GNAI2: variants seen among roughly 807,000 people sequenced by gnomAD.
GNAI2 encodes the protein guanine nucleotide-binding protein G(i) subunit alpha-2.
In GNAI2, 4 loss-of-function variants were observed where a neutral mutation model predicts 36.8. The ratio of observed to expected loss-of-function variants is 0.11; its 90% CI spans 0.05 to 0.25. GNAI2 has a LOEUF of 0.25. Among genes scored for constraint, GNAI2 ranks in the 10% least tolerant of loss-of-function variants. The pLI, the probability that GNAI2 is intolerant of heterozygous loss-of-function variation, is 1.00. For synonymous variants in GNAI2, 194 were observed against 194.1 expected, an observed-to-expected ratio of 1.00 and a Z score of 0.01; for missense variants, 230 against 481.3, an observed-to-expected ratio of 0.48 and a Z score of 4.89.
rs1405362488 is a variant in GNAI2 at position 50,241,369 on chromosome 3, G to A, written c.118+4916G>A. 6.6e-6 allele frequency among the ~76,000 whole-genome samples: 1 copy of A among 152,220 alleles called. No homozygotes were observed. Among genetic ancestry groups the A allele is most frequent in the Non-Finnish European group, 1.5e-5 (1 of 68,026 alleles). ...GGGGCTTTGTCTGCAGGAGCAGGCA[G>A]GGATAGAGCTCCCACACTAAGGAGT... On this transcript the variant is annotated intron_variant, in intron 1 of 8. Transcript: ENST00000313601. This position sits in a 1 kb window ranked among gnomAD's most constrained non-coding sequence, Gnocchi z 5.0.
At chr3:50,245,941 C>A (rs1553701705) in intron 1 of GNAI2, among the ~76,000 whole-genome samples, 2 of 152,200 alleles carry the variant, frequency 1.3e-5, no homozygotes, top group African/African-American at 4.8e-5. Flanking sequence ...CAGAGACTGG[C>A]GGGAGGGAGG....
Position 50,253,883 on chromosome 3 carries a change from GA to G in GNAI2, c.464+700del, listed in dbSNP as rs1700625073. ...GAGACAGGATTGCTGAGCTCTGAAG[GA>G]GAGTCAGCCAGGGGAGGAGTGGATG... is the stretch of plus-strand genomic sequence containing the variant. On this transcript the variant is annotated intron_variant, in intron 4 of 8. Transcript: ENST00000313601. The surrounding 1 kb of genome is among the most constrained non-coding windows in gnomAD (Gnocchi z 4.2). 6.6e-6 allele frequency among the ~76,000 whole-genome samples: 1 copy of G among 152,176 alleles called. No individual in the cohort carries two copies. The highest frequency in any genetic ancestry group is 1.5e-5 in the Non-Finnish European group (1 of 68,014).
rs1700709848 is a variant in GNAI2, at chr3:50,256,624, T to C, written c.594-99T>C. The C allele has an allele frequency of 3.0e-6, 4 of 1,312,710 alleles. No homozygotes were observed. The South Asian group carries it at 5.1e-5, about 17-fold the overall frequency. 81.3% of individuals were successfully genotyped at this position (1,312,710 alleles called of 1,614,324 possible). On this transcript the variant is annotated intron_variant, in intron 5 of 8. Coordinates refer to ENST00000313601, the MANE Select transcript of GNAI2 (RefSeq NM_002070.4). ...TGATTCCAGAAGGTAGCTGCCCTAC[T>C]CTGGGCAGGCCTCTGTCCTCAGTCA...
intron 1 of GNAI2, among the ~76,000 whole-genome samples, chr3:50,237,776 G>T (rs587742244): frequency 1.3e-5 from 2 of 151,166 alleles, no homozygotes; most frequent in Admixed American, 1.3e-4. Context: ...TTAGAGTTGG[G>T]GGGAGGGAGG....
intron 1 of GNAI2, among the ~76,000 whole-genome samples, chr3:50,244,296 T>C (rs1700365804): frequency 6.6e-6 from 1 of 152,230 alleles, no homozygotes; most frequent in Non-Finnish European, 1.5e-5. Context: ...CCCAGAGTGC[T>C]GGGATTACAG....
intron 1 of GNAI2, among the ~76,000 whole-genome samples, chr3:50,237,552 G>A (rs587601412): frequency 1.3e-5 from 2 of 152,280 alleles, no homozygotes; most frequent in South Asian, 4.1e-4. Flanking sequence ...GCCTCTGAGA[G>A]TTGGGGGGCT....
intron 1 of GNAI2, among the ~76,000 whole-genome samples, chr3:50,239,330 G>C (rs1364895748): frequency 6.6e-6 from 1 of 152,202 alleles, no homozygotes; most frequent in Non-Finnish European, 1.5e-5. Context: ...CTACTTGATT[G>C]TTCTTTAAAA....
At chr3:50,234,996 C>A (rs1303988493), upstream of GNAI2, among the ~76,000 whole-genome samples, 1 of 152,198 alleles carries the variant, frequency 6.6e-6, no homozygotes, top group Non-Finnish European at 1.5e-5. Context: ...ATCATGGCCA[C>A]CTCCAGACGT....
intron 1 of GNAI2, among the ~76,000 whole-genome samples, chr3:50,237,641 AG>A (rs1312590660): frequency 3.8e-4 from 58 of 152,122 alleles, no homozygotes; most frequent in African/African-American, 1.3e-3. Flanking sequence ...GGGGTGGGCC[AG>A]GGTGCCTCTG....
intron 1 of GNAI2, among the ~76,000 whole-genome samples, chr3:50,245,028 C>A (rs1385588919): frequency 6.7e-6 from 1 of 148,302 alleles, no homozygotes; most frequent in South Asian, 2.1e-4. Flanking sequence ...GACTGAGTTT[C>A]GCTCTTGTTG....
At chr3:50,232,155 C>G (rs1289766898), upstream of GNAI2, among the ~76,000 whole-genome samples, 1 of 152,058 alleles carries the variant, frequency 6.6e-6, no homozygotes, top group Non-Finnish European at 1.5e-5. Context: ...CATGGCAAAA[C>G]CCCATCTCTA....
At chr3:50,240,340 C>A (rs1700271432) in intron 1 of GNAI2, among the ~76,000 whole-genome samples, 1 of 152,190 alleles carries the variant, frequency 6.6e-6, no homozygotes, top group Non-Finnish European at 1.5e-5. Flanking sequence ...GAGGGACCAA[C>A]TCGACAAGAA....
chr3:50,252,897 T>C lies in GNAI2; in HGVS notation c.304-127T>C. On this transcript the variant is annotated intron_variant, in intron 3 of 8. Transcript: ENST00000313601. The surrounding 1 kb of genome is among the most constrained non-coding windows in gnomAD (Gnocchi z 4.1). ...GTAAACAACAACAACAAAAAGGTTT[T>C]AGGGCAAGTCTCATCCTAGGGAATC... The C allele has an allele frequency of 1.3e-6, 1 of 746,658 alleles. No individual in the cohort carries two copies. Among genetic ancestry groups the C allele is most frequent in the South Asian group, 1.9e-5 (1 of 53,334 alleles). The allele number at this position is 746,658 out of a possible 1,614,324, so 46.3% of individuals were successfully genotyped here.
At chr3:50,231,427 C>T (rs957593131), upstream of GNAI2, among the ~76,000 whole-genome samples, 2 of 152,186 alleles carry the variant, frequency 1.3e-5, no homozygotes, top group African/African-American at 2.4e-5. Context: ...TACAGGCATG[C>T]GCTGCCACGC....
Position 50,253,304 on chromosome 3 carries a change from A to C in GNAI2, c.464+120A>C. On this transcript the variant is annotated intron_variant, in intron 4 of 8. Transcript: ENST00000313601. The surrounding 1 kb of genome is among the most constrained non-coding windows in gnomAD (Gnocchi z 4.2). ...CTGGTCTTTGCTTATGAAACCGATGACTGTTAACCAAGGCCTTCCTGTTTT... is the reference window on the plus strand; with the variant it reads ...CTGGTCTTTGCTTATGAAACCGATGCCTGTTAACCAAGGCCTTCCTGTTTT... 2 of 654,640 alleles carry C rather than the reference A, an allele frequency of 3.1e-6. No individual in the cohort carries two copies. The highest frequency in any genetic ancestry group is 4.8e-6 in the Non-Finnish European group (2 of 417,186). The allele number at this position is 654,640 out of a possible 1,614,324, so 40.6% of individuals were successfully genotyped here.
At chr3:50,232,351 A>G (rs1363713252), upstream of GNAI2, among the ~76,000 whole-genome samples, 2 of 152,080 alleles carry the variant, frequency 1.3e-5, no homozygotes, top group African/African-American at 4.8e-5. Context: ...AATCACTACT[A>G]TAACACCTCA....
In GNAI2 at chr3:50,253,319, C is replaced by G; in HGVS notation, c.464+135C>G. ...GAAACCGATGACTGTTAACCAAGGC[C>G]TTCCTGTTTTTTGGTTTGGGGGGTG... is the stretch of plus-strand genomic sequence containing the variant. On this transcript the variant is annotated intron_variant, in intron 4 of 8. Transcript: ENST00000313601. The surrounding 1 kb of genome is among the most constrained non-coding windows in gnomAD (Gnocchi z 4.2). 4.0e-6 allele frequency: 2 copies of G among 496,442 alleles called. No individual in the cohort carries two copies. The highest frequency in any genetic ancestry group is 3.2e-5 in the Admixed American group (1 of 31,192). The allele number at this position is 496,442 out of a possible 1,614,324, so 30.8% of individuals were successfully genotyped here.
intron 1 of GNAI2, chr3:50,251,579 A>G: frequency 8.2e-7 from 1 of 1,216,400 alleles, no homozygotes; most frequent in Non-Finnish European, 1.1e-6. Context: ...GCATTGGGCC[A>G]TGTCCAGAAA....
intron 1 of GNAI2, among the ~76,000 whole-genome samples, chr3:50,249,983 G>C (rs1489875586): frequency 6.6e-6 from 1 of 152,224 alleles, no homozygotes; most frequent in East Asian, 1.9e-4. Context: ...CCCAGTGCCA[G>C]GTGGACTGTG....
Sources: gnomAD v4.1 joint callset for allele counts (sites outside exome capture counted in the v4.1 genomes callset) on GRCh38, gnomAD v4.1.1 for gene constraint, Gnocchi (gnomAD v3.1) non-coding constraint, MANE v1.5 for transcripts, NCBI Gene and HGNC (gene_info 2026-07-23, HGNC 2026-07-21) for gene names.